The following CFAP144 variants were observed in gnomAD, a reference collection of about 807,000 sequenced individuals.
CFAP144 encodes the protein cilia- and flagella-associated protein 144.
At chr1:43,144,010 T>C in the CFAP144 span, among the ~76,000 whole-genome samples, 9 of 152,298 alleles carry the variant, frequency 5.9e-5, no homozygotes, top group South Asian at 1.9e-3. Context: ...ATCTATCCAG[T>C]GATGTAAATG....
At chr1:43,154,062 GTATATATATATATATATATA>G in the CFAP144 span, among the ~76,000 whole-genome samples, 29 of 83,662 alleles carry the variant, frequency 3.5e-4, no homozygotes, top group South Asian at 6.0e-3. Flanking sequence ...ATATGTGTGT[GTATATATATATATATATATA>G]TATATATATA....
chr1:43,156,263 ACT>A, the CFAP144 span: 666 of 1,613,950 alleles, frequency 4.1e-4, 6 homozygotes, highest in African/African-American at 7.6e-3. Flanking sequence ...CAGTGACATC[ACT>A]CTGTACAAGG....
the CFAP144 span, among the ~76,000 whole-genome samples, chr1:43,145,543 T>C: frequency 9.9e-3 from 1,506 of 152,240 alleles, 28 homozygotes; most frequent in African/African-American, 0.033. Flanking sequence ...GCTCTGAGGG[T>C]GAGCCTCTTG....
the CFAP144 span, among the ~76,000 whole-genome samples, chr1:43,144,013 T>C: frequency 1.3e-5 from 2 of 152,354 alleles, no homozygotes; most frequent in African/African-American, 4.8e-5. Context: ...TATCCAGTGA[T>C]GTAAATGCAG....
the CFAP144 span, among the ~76,000 whole-genome samples, chr1:43,154,235 A>G: frequency 6.9e-6 from 1 of 144,940 alleles, no homozygotes; most frequent in Admixed American, 6.9e-5. Flanking sequence ...TTTTTATATA[A>G]AAATTATATA....
the CFAP144 span, chr1:43,148,077 C>T: frequency 5.0e-6 from 8 of 1,612,882 alleles, no homozygotes; most frequent in South Asian, 7.7e-5. Context: ...TGAATCCCCT[C>T]CGCAAGAGTG....
the CFAP144 span, among the ~76,000 whole-genome samples, chr1:43,148,372 C>T: frequency 6.6e-6 from 1 of 151,894 alleles, no homozygotes; most frequent in Non-Finnish European, 1.5e-5. Context: ...ATTTTGCAGG[C>T]TGTTTGTGTT....
the CFAP144 span, chr1:43,156,055 C>A: frequency 1.5e-6 from 1 of 659,288 alleles, no homozygotes; most frequent in Middle Eastern, 2.5e-4. Context: ...GACCTCACAA[C>A]CTTTTTGATG....
the CFAP144 span, among the ~76,000 whole-genome samples, chr1:43,155,951 G>A: frequency 1.3e-5 from 2 of 152,194 alleles, no homozygotes; most frequent in African/African-American, 2.4e-5. Flanking sequence ...CCTAGCATGC[G>A]CTGGGTCTTG....
the CFAP144 span, chr1:43,152,919 C>T: frequency 6.2e-7 from 1 of 1,612,466 alleles, no homozygotes; most frequent in African/African-American, 1.3e-5. Context: ...TTGGATGGGA[C>T]TTAGAGCCCT....
the CFAP144 span, chr1:43,156,369 G>C: frequency 7.4e-7 from 1 of 1,352,598 alleles, no homozygotes; most frequent in East Asian, 2.3e-5. Flanking sequence ...GCACAGCCCA[G>C]AGAAATAAAA....
the CFAP144 span, among the ~76,000 whole-genome samples, chr1:43,153,298 G>A: frequency 6.6e-6 from 1 of 151,976 alleles, no homozygotes; most frequent in Non-Finnish European, 1.5e-5. Flanking sequence ...CTCTGAGTTC[G>A]GCTTCCTTAT....
At chr1:43,149,058 C>T in the CFAP144 span, among the ~76,000 whole-genome samples, 1 of 152,104 alleles carries the variant, frequency 6.6e-6, no homozygotes, top group East Asian at 1.9e-4. Context: ...CTGATGGGCT[C>T]CCAACTCCTT....
At chr1:43,145,189 G>A in the CFAP144 span, 1 of 1,360,100 alleles carries the variant, frequency 7.4e-7, no homozygotes, top group Non-Finnish European at 1.0e-6. Flanking sequence ...GTTTGAGACT[G>A]GCTTCTCCAC....
At chr1:43,150,633 G>C in the CFAP144 span, 1 of 773,154 alleles carries the variant, frequency 1.3e-6, no homozygotes, top group South Asian at 1.6e-5. Flanking sequence ...TAGCACCCAG[G>C]ATAATACCTG....
chr1:43,152,300 CTG>C, the CFAP144 span, among the ~76,000 whole-genome samples: 7 of 152,202 alleles, frequency 4.6e-5, no homozygotes, highest in Non-Finnish European at 8.8e-5. Context: ...TCCTCACTCT[CTG>C]TTGTGCTACA....
the CFAP144 span, among the ~76,000 whole-genome samples, chr1:43,147,204 A>G: frequency 9.9e-3 from 1,506 of 152,326 alleles, 28 homozygotes; most frequent in African/African-American, 0.033. Context: ...TCATAGAAAC[A>G]AAAAGTGAAA....
chr1:43,146,376 A>G, the CFAP144 span, among the ~76,000 whole-genome samples: 1 of 152,244 alleles, frequency 6.6e-6, no homozygotes, highest in Non-Finnish European at 1.5e-5. Context: ...TTTAAACTAC[A>G]TGAGTGGCTC....
At chr1:43,147,376 A>G in the CFAP144 span, among the ~76,000 whole-genome samples, 11 of 120,258 alleles carry the variant, frequency 9.1e-5, no homozygotes, top group Admixed American at 8.9e-4. Flanking sequence ...CATTTTAAAC[A>G]CAAACATTAA....
Sources: allele counts gnomAD v4.1 joint callset (sites outside exome capture counted in the v4.1 genomes callset), GRCh38; gene constraint gnomAD v4.1.1; transcripts MANE v1.5; gene names NCBI Gene and HGNC (gene_info 2026-07-23, HGNC 2026-07-21).